The following PAWR variants were observed in gnomAD, a reference collection of about 807,000 sequenced individuals.
The protein encoded by PAWR is PRKC apoptosis WT1 regulator protein.
PAWR carries 23 observed loss-of-function variants against 32.0 expected under a neutral mutation model. That is an observed-to-expected ratio of 0.72 (90% CI 0.52 to 1.02). The LOEUF is 1.02. Ranked by LOEUF, PAWR falls within the 50% of genes least tolerant of loss-of-function variation. PAWR has a pLI of 0.00. For synonymous variants in PAWR, 226 were observed against 187.1 expected, an observed-to-expected ratio of 1.21 and a Z score of -1.70; for missense variants, 457 against 437.7, an observed-to-expected ratio of 1.04 and a Z score of -0.39.
At chr12:79,650,297 G>C (rs1359725676) in intron 2 of PAWR, among the ~76,000 whole-genome samples, 1 of 152,004 alleles carries the variant, frequency 6.6e-6, no homozygotes, top group Admixed American at 6.5e-5. Context: ...TGCAATATCT[G>C]CTGAGCTGCA....
intron 2 of PAWR, among the ~76,000 whole-genome samples, chr12:79,688,690 T>C (rs1283948269): frequency 2.0e-5 from 3 of 152,180 alleles, no homozygotes; most frequent in Non-Finnish European, 4.4e-5. Context: ...TTTAGGTATA[T>C]TTAATATACA....
At chr12:79,612,686 CA>C (rs530154415) in intron 4 of PAWR, among the ~76,000 whole-genome samples, 13 of 152,242 alleles carry the variant, frequency 8.5e-5, no homozygotes, top group African/African-American at 2.9e-4. Flanking sequence ...CTATGTAAAG[CA>C]ATTTGGACAC....
In PAWR at chr12:79,596,547, A is replaced by G. The variant is rs766666685; in HGVS notation, c.795T>C (p.Ser265=). The change falls in exon 5 of 7, where the codon AGT becomes AGC. Residue 265 remains serine (S), a synonymous_variant. Transcript: ENST00000328827. Reference sequence around the variant, plus strand: ...CTTCAATTTTCTTTTCCAGTGTGCTACTTGAAACCAGAGTACCTGAAACAT... The same window carrying G: ...CTTCAATTTTCTTTTCCAGTGTGCTGCTTGAAACCAGAGTACCTGAAACAT... The part of the protein sequence containing the change: ...DANVSGTLVS[S]STLEKKIEDL... The G allele has an allele frequency of 6.3e-7, 1 of 1,592,660 alleles. No homozygotes were observed. The highest frequency in any genetic ancestry group is 8.6e-7 in the Non-Finnish European group (1 of 1,164,114).
intron 2 of PAWR, among the ~76,000 whole-genome samples, chr12:79,654,929 A>C (rs1877024702): frequency 6.6e-6 from 1 of 152,102 alleles, no homozygotes. Flanking sequence ...GGGAGTTACC[A>C]CTTGGGTACT....
chr12:79,598,970 C>T (rs1395254980), intron 4 of PAWR, among the ~76,000 whole-genome samples: 2 of 152,142 alleles, frequency 1.3e-5, no homozygotes, highest in African/African-American at 4.8e-5. Flanking sequence ...CTCCTGACCT[C>T]GTGATCCACC....
chr12:79,603,238 G>A (rs1385127441), intron 4 of PAWR, among the ~76,000 whole-genome samples: 1 of 151,832 alleles, frequency 6.6e-6, no homozygotes, highest in Non-Finnish European at 1.5e-5. Context: ...GTGACATGGT[G>A]AAACCCTGTA....
intron 2 of PAWR, among the ~76,000 whole-genome samples, chr12:79,643,683 A>C (rs996685735): frequency 6.6e-6 from 1 of 152,172 alleles, no homozygotes; most frequent in African/African-American, 2.4e-5. Context: ...CATCCACTGA[A>C]TAGTCAGCTC....
At chr12:79,684,982 T>G (rs1040947290) in intron 2 of PAWR, among the ~76,000 whole-genome samples, 10 of 152,208 alleles carry the variant, frequency 6.6e-5, no homozygotes, top group African/African-American at 2.4e-4. Flanking sequence ...TCTTCCCCAT[T>G]TTCCCATAGG....
intron 2 of PAWR, chr12:79,632,255 A>G (rs1228212414): frequency 7.4e-6 from 1 of 135,722 alleles, no homozygotes; most frequent in African/African-American, 2.9e-5. Context: ...AAAGATATTC[A>G]TACAAAAGAA....
chr12:79,636,952 AATAAG>A (rs1159019049), intron 2 of PAWR, among the ~76,000 whole-genome samples: 4 of 152,290 alleles, frequency 2.6e-5, no homozygotes, highest in African/African-American at 9.6e-5. Flanking sequence ...ACAAGGCTCT[AATAAG>A]GAAAATATGA....
At position 79,663,276 on chromosome 12, in the gene PAWR, A is replaced by G. The variant is rs187506381; in HGVS notation, c.516+26453T>C. Among the ~76,000 whole-genome samples the G allele has an allele frequency of 2.3e-3, 344 of 152,222 alleles. 2 individuals carry two copies. The highest frequency in any genetic ancestry group is 2.9e-3 in the Non-Finnish European group (198 of 68,014). On this transcript the variant is annotated intron_variant, in intron 2 of 6. Transcript: ENST00000328827. ...TTTGCCTCCTTCTCCTATCTTGTCT[A>G]TGGTTTTAAGTGTTGATGCACACAT... is the stretch of plus-strand genomic sequence containing the variant.
chr12:79,690,576 A>C, intron 1 of PAWR, 185 bp from the exon 2 acceptor site: 2 of 226,520 alleles, frequency 8.8e-6, no homozygotes, highest in Non-Finnish European at 1.7e-5. Flanking sequence ...GACCCCGACG[A>C]TCGCCGCCCC....
At chr12:79,603,155 T>G (rs1041656091) in intron 4 of PAWR, among the ~76,000 whole-genome samples, 1 of 151,940 alleles carries the variant, frequency 6.6e-6, no homozygotes, top group Admixed American at 6.6e-5. Flanking sequence ...CTTGGGAGGC[T>G]GTGGTAGGAG....
At chr12:79,639,868 CT>C (rs373521656) in intron 2 of PAWR, among the ~76,000 whole-genome samples, 27 of 104,820 alleles carry the variant, frequency 2.6e-4, no homozygotes, top group African/African-American at 8.7e-4. Flanking sequence ...ATTCCTATTC[CT>C]ATTCCTATTC....
intron 4 of PAWR, among the ~76,000 whole-genome samples, chr12:79,602,432 GGA>G (rs1873999827): frequency 1.3e-5 from 2 of 152,214 alleles, no homozygotes; most frequent in South Asian, 4.2e-4. Flanking sequence ...TGAGCTAAAC[GGA>G]GACAGGGAGG....
intron 1 of PAWR, 156 bp from the exon 2 acceptor site, chr12:79,690,547 C>A: frequency 3.0e-6 from 1 of 328,130 alleles, no homozygotes. Context: ...CAAAGTTTCT[C>A]CCACGCACCT....
chr12:79,689,686 GCCCGC>G (rs1878873229), intron 2 of PAWR, 38 bp downstream of exon 2: 17 of 1,522,632 alleles, frequency 1.1e-5, no homozygotes, highest in Non-Finnish European at 1.5e-5. Context: ...GGAGGCAGCT[GCCCGC>G]CCCGGCCCGG....
intron 4 of PAWR, 87 bp from the exon 5 acceptor site, chr12:79,596,745 A>C: frequency 1.2e-6 from 1 of 804,128 alleles, no homozygotes. Context: ...TAAAAAAATT[A>C]ACATTCCCCA....
chr12:79,613,523 G>T, intron 4 of PAWR, 52 bp downstream of exon 4: 1 of 956,144 alleles, frequency 1.0e-6, no homozygotes, highest in South Asian at 1.6e-5. Flanking sequence ...GTCAATGTCA[G>T]ACAGACATTA....
Sources: allele counts gnomAD v4.1 joint callset (sites outside exome capture counted in the v4.1 genomes callset), GRCh38; gene constraint gnomAD v4.1.1; transcripts MANE v1.5; gene names NCBI Gene and HGNC (gene_info 2026-07-23, HGNC 2026-07-21).